The following KAZN variants were observed in gnomAD, a reference collection of about 807,000 sequenced individuals.
KAZN encodes the protein kazrin.
In KAZN, 40 loss-of-function variants were observed where a neutral mutation model predicts 87.4. The ratio of observed to expected loss-of-function variants is 0.46; its 90% confidence interval spans 0.36 to 0.60. KAZN has a LOEUF of 0.60. Ranked by LOEUF, KAZN falls within the 20% of genes least tolerant of loss-of-function variation. KAZN has a pLI of 0.00. For synonymous variants in KAZN, 466 were observed against 458.3 expected, an observed-to-expected ratio of 1.02 and a Z score of -0.22; for missense variants, 898 against 1,073.9, an observed-to-expected ratio of 0.84 and a Z score of 2.29.
chr1:14,520,534 G>A (rs1038704206), intron 2 of KAZN, among the ~76,000 whole-genome samples: 5 of 152,198 alleles, frequency 3.3e-5, no homozygotes, highest in African/African-American at 1.2e-4. Flanking sequence ...ATAAAAAGCA[G>A]TGGCTCATGG....
intron 2 of KAZN, among the ~76,000 whole-genome samples, chr1:15,010,691 G>A (rs903431067): frequency 5.9e-5 from 9 of 152,056 alleles, no homozygotes; most frequent in African/African-American, 1.2e-4. Context: ...CTCCCGGCCC[G>A]TCTTGCTTTT....
chr1:14,145,920 T>TATTA (rs1645338962), intron 1 of KAZN, among the ~76,000 whole-genome samples: 1 of 152,248 alleles, frequency 6.6e-6, no homozygotes, highest in Admixed American at 6.5e-5. Context: ...ACTTCCTGTC[T>TATTA]TGCACATTAT....
chr1:14,405,653 C>CAG (rs766842948), intron 2 of KAZN, among the ~76,000 whole-genome samples: 1 of 102,744 alleles, frequency 9.7e-6, no homozygotes, highest in African/African-American at 3.5e-5. Flanking sequence ...TGTGTTTATA[C>CAG]AGAGAGAGAG....
intron 2 of KAZN, among the ~76,000 whole-genome samples, chr1:14,484,944 A>G (rs1669269021): frequency 6.6e-6 from 1 of 152,188 alleles, no homozygotes; most frequent in African/African-American, 2.4e-5. Flanking sequence ...AGCAAATCAC[A>G]CGCTGAGCCC....
intron 2 of KAZN, among the ~76,000 whole-genome samples, chr1:14,352,205 C>T (rs1658601874): frequency 6.6e-6 from 1 of 152,012 alleles, no homozygotes; most frequent in Non-Finnish European, 1.5e-5. Flanking sequence ...TCACATCTAT[C>T]TACATACATG....
chr1:14,249,041 A>G (rs552708101), intron 2 of KAZN, among the ~76,000 whole-genome samples: 1 of 152,184 alleles, frequency 6.6e-6, no homozygotes, highest in Non-Finnish European at 1.5e-5. Context: ...TATATGAGTA[A>G]AGAGACTCTC....
At chr1:13,969,814 G>T (rs1342336360) in intron 1 of KAZN, among the ~76,000 whole-genome samples, 1 of 152,116 alleles carries the variant, frequency 6.6e-6, no homozygotes, top group Non-Finnish European at 1.5e-5. Context: ...TTTCAGGTAG[G>T]CTCCATGTGT....
Position 14,889,305 on chromosome 1 carries a change from A to G in KAZN, c.227-71379A>G, listed in dbSNP as rs555903578. On this transcript the variant is annotated intron_variant, in intron 1 of 14. Coordinates refer to ENST00000376030, the MANE Select transcript of KAZN (RefSeq NM_201628.3). Reference sequence around the variant, plus strand: ...CTACCACAATGGGCTTGGAGTTTATAATTATTAACAAATAAGAGAACAAAA... The same window carrying G: ...CTACCACAATGGGCTTGGAGTTTATGATTATTAACAAATAAGAGAACAAAA... 5.3e-5 allele frequency among the ~76,000 whole-genome samples: 8 copies of G among 152,350 alleles called. No homozygotes were observed. The East Asian group carries it at 1.2e-3, about 22-fold the overall frequency.
chr1:14,814,650 C>A (rs1646513179), intron 1 of KAZN, among the ~76,000 whole-genome samples: 1 of 152,178 alleles, frequency 6.6e-6, no homozygotes, highest in South Asian at 2.1e-4. Context: ...TGGCCCTGTT[C>A]CAGAGCAGGC....
chr1:14,216,768 G>A (rs915080605), intron 2 of KAZN, among the ~76,000 whole-genome samples: 3 of 152,068 alleles, frequency 2.0e-5, no homozygotes, highest in Non-Finnish European at 2.9e-5. Context: ...GCTGGGAGTG[G>A]TGGTGGGAGC....
intron 1 of KAZN, among the ~76,000 whole-genome samples, chr1:14,832,773 A>G (rs1647087649): frequency 6.6e-6 from 1 of 152,178 alleles, no homozygotes. Context: ...CCCACAACCT[A>G]AGAATGCTAT....
intron 1 of KAZN, among the ~76,000 whole-genome samples, chr1:14,638,236 A>G (rs1294530806): frequency 6.6e-6 from 1 of 152,010 alleles, no homozygotes; most frequent in African/African-American, 2.4e-5. Flanking sequence ...TTTGGGGGGG[A>G]CACCATTCAA....
At chr1:15,102,400 G>A (rs1214330061) in intron 11 of KAZN, among the ~76,000 whole-genome samples, 1 of 152,114 alleles carries the variant, frequency 6.6e-6, no homozygotes, top group African/African-American at 2.4e-5. Context: ...GCAACAGTGT[G>A]GTGAAGGCCC....
intron 2 of KAZN, among the ~76,000 whole-genome samples, chr1:14,521,471 C>A (rs1267130253): frequency 6.6e-6 from 1 of 152,154 alleles, no homozygotes; most frequent in African/African-American, 2.4e-5. Flanking sequence ...TTAAATCAGG[C>A]CAGGCCTTTC....
chr1:14,802,139 C>G (rs1345189868), intron 1 of KAZN, among the ~76,000 whole-genome samples: 1 of 152,008 alleles, frequency 6.6e-6, no homozygotes, highest in Non-Finnish European at 1.5e-5. Context: ...GGCATGGTGG[C>G]TCACACCTGT....
intron 2 of KAZN, among the ~76,000 whole-genome samples, chr1:14,294,540 C>T (rs1409196688): frequency 6.6e-6 from 1 of 151,672 alleles, no homozygotes; most frequent in African/African-American, 2.4e-5. Flanking sequence ...GTGACTTAAC[C>T]AACATCAGAC....
intron 2 of KAZN, among the ~76,000 whole-genome samples, chr1:15,022,405 C>T (rs956037645): frequency 1.3e-5 from 2 of 152,186 alleles, no homozygotes; most frequent in East Asian, 1.9e-4. Flanking sequence ...TCATTCAATA[C>T]GCATTATTCA....
chr1:15,044,270 G>GGGGCCC (rs2100344054), intron 4 of KAZN, 111 bp downstream of exon 4: 2 of 413,322 alleles, frequency 4.8e-6, no homozygotes, highest in Non-Finnish European at 4.2e-6. Context: ...GGTGGGTGGG[G>GGGGCCC]CAGAGCAGAA....
chr1:14,579,573 C>T (rs1025604449), intron 2 of KAZN, among the ~76,000 whole-genome samples: 2 of 151,048 alleles, frequency 1.3e-5, no homozygotes, highest in Admixed American at 6.6e-5. Context: ...TGCGGTGAGC[C>T]GAGATCGCAC....
Sources: allele counts gnomAD v4.1 joint callset (sites outside exome capture counted in the v4.1 genomes callset), GRCh38; gene constraint gnomAD v4.1.1; transcripts MANE v1.5; gene names NCBI Gene and HGNC (gene_info 2026-07-23, HGNC 2026-07-21).